The following STPG2 variants were observed in gnomAD, a reference collection of about 807,000 sequenced individuals.
STPG2 encodes the protein sperm tail PG-rich repeat containing 2.
STPG2 carries 56 observed loss-of-function variants against 54.2 expected under a neutral mutation model. The ratio of observed to expected loss-of-function variants is 1.03; its 90% confidence interval spans 0.83 to 1.29. The LOEUF is 1.29. Ranked by LOEUF, STPG2 falls within the 50% of genes most tolerant of loss-of-function variation. The pLI is 0.00. For synonymous variants in STPG2, 200 were observed against 181.8 expected, an observed-to-expected ratio of 1.10 and a Z score of -0.81; for missense variants, 596 against 544.9, an observed-to-expected ratio of 1.09 and a Z score of -0.93.
At chr4:97,537,595 T>C (rs1190807987) in intron 4 of STPG2, among the ~76,000 whole-genome samples, 2 of 152,202 alleles carry the variant, frequency 1.3e-5, no homozygotes, top group Non-Finnish European at 2.9e-5. Context: ...GCCTGCCTGC[T>C]TCTGTAGACT....
At chr4:97,981,060 A>G (rs1734657955) in intron 6 of STPG2, 99 bp downstream of exon 6, 1 of 1,312,838 alleles carries the variant, frequency 7.6e-7, no homozygotes, top group South Asian at 1.6e-5. Flanking sequence ...CAACCATAGG[A>G]CAAAAAAGAA....
chr4:97,614,307 T>G (rs1216552033), intron 10 of STPG2, among the ~76,000 whole-genome samples: 2 of 151,968 alleles, frequency 1.3e-5, no homozygotes, highest in East Asian at 3.9e-4. Context: ...GATTTTTTTT[T>G]TTTTTAAGAT....
intron 10 of STPG2, among the ~76,000 whole-genome samples, chr4:97,689,416 T>C (rs988488651): frequency 6.6e-6 from 1 of 152,010 alleles, no homozygotes; most frequent in African/African-American, 2.4e-5. Flanking sequence ...TCTCTTACTC[T>C]CTCTTAACAG....
chr4:97,894,611 T>C (rs1730892704), intron 8 of STPG2, among the ~76,000 whole-genome samples: 1 of 151,930 alleles, frequency 6.6e-6, no homozygotes, highest in East Asian at 1.9e-4. Flanking sequence ...ATCTTAACCA[T>C]GCTCTTCAGC....
chr4:97,693,408 A>C (rs1366177812), intron 10 of STPG2, among the ~76,000 whole-genome samples: 1 of 152,134 alleles, frequency 6.6e-6, no homozygotes, highest in Non-Finnish European at 1.5e-5. Context: ...GACAAAACAA[A>C]CCTTAAAGAA....
intron 4 of STPG2, among the ~76,000 whole-genome samples, chr4:97,534,186 ATT>A (rs1480614333): frequency 6.6e-6 from 1 of 151,998 alleles, no homozygotes; most frequent in Non-Finnish European, 1.5e-5. Flanking sequence ...CATATTTCAT[ATT>A]GTTTATGTTC....
intron 10 of STPG2, among the ~76,000 whole-genome samples, chr4:97,617,960 T>C (rs757115352): frequency 5.0e-4 from 76 of 152,184 alleles, no homozygotes; most frequent in Admixed American, 1.1e-3. Flanking sequence ...TGGCAGTTAA[T>C]CTTTATTGTA....
At chr4:97,463,187 CTCTT>C (rs2148809606) in intron 4 of STPG2, among the ~76,000 whole-genome samples, 2 of 152,112 alleles carry the variant, frequency 1.3e-5, no homozygotes, top group African/African-American at 4.8e-5. Context: ...CATTTTTCAT[CTCTT>C]TATCTTTTTG....
At chr4:97,730,977 A>AGATTT (rs1267222693) in intron 9 of STPG2, among the ~76,000 whole-genome samples, 4 of 152,100 alleles carry the variant, frequency 2.6e-5, no homozygotes, top group African/African-American at 9.7e-5. Flanking sequence ...TGTGCCATCC[A>AGATTT]GATTTGAATT....
chr4:97,868,339 G>T (rs1729866512), intron 8 of STPG2, among the ~76,000 whole-genome samples: 1 of 151,838 alleles, frequency 6.6e-6, no homozygotes, highest in Non-Finnish European at 1.5e-5. Flanking sequence ...AGGTTCATCT[G>T]TGGAAATCTT....
At chr4:97,478,986 C>T (rs1384193814) in intron 4 of STPG2, among the ~76,000 whole-genome samples, 1 of 148,936 alleles carries the variant, frequency 6.7e-6, no homozygotes, top group Admixed American at 6.8e-5. Flanking sequence ...AATTGTTCAT[C>T]CTCATTAATA....
intron 8 of STPG2, among the ~76,000 whole-genome samples, chr4:97,858,501 C>T (rs1052384023): frequency 5.3e-5 from 8 of 152,054 alleles, no homozygotes; most frequent in African/African-American, 1.7e-4. Flanking sequence ...TTGGTGTACC[C>T]GTCACCTGAG....
intron 9 of STPG2, among the ~76,000 whole-genome samples, chr4:97,823,204 A>G (rs973277265): frequency 2.0e-5 from 3 of 152,244 alleles, no homozygotes; most frequent in African/African-American, 7.2e-5. Context: ...TAATAGAAAA[A>G]GATGCTATCT....
chr4:97,847,847 G>A (rs142251947), intron 8 of STPG2, among the ~76,000 whole-genome samples: 23 of 152,056 alleles, frequency 1.5e-4, no homozygotes, highest in Middle Eastern at 3.4e-3. Context: ...CCTTTCTCTC[G>A]CATATCTAAA....
intron 8 of STPG2, among the ~76,000 whole-genome samples, chr4:97,865,738 T>C (rs1299431735): frequency 3.3e-5 from 5 of 151,900 alleles, no homozygotes; most frequent in African/African-American, 7.3e-5. Context: ...TATTAAGAGA[T>C]ATACCTAATG....
chr4:98,033,926 A>C (rs951578981), intron 5 of STPG2, among the ~76,000 whole-genome samples: 1 of 152,348 alleles, frequency 6.6e-6, no homozygotes, highest in Middle Eastern at 3.4e-3. Flanking sequence ...AACTCTCAGT[A>C]AACTAGGTAT....
chr4:98,142,550 G>C (rs1036746231), intron 1 of STPG2, among the ~76,000 whole-genome samples: 1 of 151,658 alleles, frequency 6.6e-6, no homozygotes, highest in Non-Finnish European at 1.5e-5. Flanking sequence ...AGATGAGGAC[G>C]GTCAGAAAAA....
At chr4:97,988,691 C>T (rs1387286276) in intron 5 of STPG2, among the ~76,000 whole-genome samples, 1 of 152,204 alleles carries the variant, frequency 6.6e-6, no homozygotes, top group African/African-American at 2.4e-5. Flanking sequence ...ACTGCAACCT[C>T]CGCCTCCCGT....
intron 9 of STPG2, among the ~76,000 whole-genome samples, chr4:97,722,585 A>G (rs1462992687): frequency 6.6e-6 from 1 of 152,078 alleles, no homozygotes; most frequent in Non-Finnish European, 1.5e-5. Flanking sequence ...ATTCATTTTT[A>G]TATTCTGAAT....
Sources: gnomAD v4.1 joint callset for allele counts (sites outside exome capture counted in the v4.1 genomes callset) on GRCh38, gnomAD v4.1.1 for gene constraint, MANE v1.5 for transcripts, NCBI Gene and HGNC (gene_info 2026-07-23, HGNC 2026-07-21) for gene names.